Variants in IPO11 observed in about 807,000 individuals in gnomAD.
IPO11 encodes importin-11.
Under a neutral mutation model 143.2 loss-of-function variants are expected in IPO11, and 66 were observed. The observed-to-expected ratio is 0.46, with a 90% CI of 0.38 to 0.57. IPO11 has a LOEUF of 0.57. Ranked by LOEUF, IPO11 falls within the 20% of genes least tolerant of loss-of-function variation. The probability of loss-of-function intolerance (pLI) is 0.00; values close to 1 mark genes in which losing one functional copy is unlikely to be tolerated. For missense variants in IPO11, 1,026 were observed against 1,141.0 expected, an observed-to-expected ratio of 0.90 and a Z score of 1.45; for synonymous variants, 385 against 377.8, an observed-to-expected ratio of 1.02 and a Z score of -0.22.
intron 5 of IPO11, among the ~76,000 whole-genome samples, chr5:62,466,181 C>T (rs1378395778): frequency 6.6e-6 from 1 of 152,160 alleles, no homozygotes; most frequent in African/African-American, 2.4e-5. Flanking sequence ...CTCAGATTAA[C>T]TGAGGTTCAA....
At chr5:62,619,802 T>G (rs1223392279) in intron 29 of IPO11, among the ~76,000 whole-genome samples, 2 of 151,612 alleles carry the variant, frequency 1.3e-5, no homozygotes, top group Admixed American at 1.3e-4. Flanking sequence ...TGCAGTGAGC[T>G]GAGCCGAGAT....
At chr5:62,554,363 C>A (rs543565689) in intron 26 of IPO11, among the ~76,000 whole-genome samples, 3 of 152,192 alleles carry the variant, frequency 2.0e-5, no homozygotes, top group Admixed American at 2.0e-4. Flanking sequence ...GACCAGAGTC[C>A]TGGAGTGTTT....
chr5:62,427,701 T>C (rs1046488800), intron 1 of IPO11, among the ~76,000 whole-genome samples: 26 of 152,228 alleles, frequency 1.7e-4, no homozygotes, highest in Admixed American at 6.5e-5. Flanking sequence ...TGATGATCTG[T>C]GGTGGAACAG....
chr5:62,580,178 C>A, intron 27 of IPO11: 1 of 1,551,086 alleles, frequency 6.4e-7, no homozygotes, highest in East Asian at 2.4e-5. Flanking sequence ...CAGCCCTTTG[C>A]ATTTAAAGGA....
intron 9 of IPO11, among the ~76,000 whole-genome samples, chr5:62,482,846 A>G (rs1283252911): frequency 6.6e-6 from 1 of 152,180 alleles, no homozygotes; most frequent in Non-Finnish European, 1.5e-5. Context: ...AAAATTAAGT[A>G]TGAATTGAGT....
chr5:62,415,148 G>T (rs1267643067), intron 1 of IPO11, among the ~76,000 whole-genome samples: 1 of 152,154 alleles, frequency 6.6e-6, no homozygotes, highest in Non-Finnish European at 1.5e-5. Flanking sequence ...TATCATGGTG[G>T]CTATTAACCC....
chr5:62,471,931 TTAA>T (rs1323634553), intron 7 of IPO11, among the ~76,000 whole-genome samples: 1 of 152,212 alleles, frequency 6.6e-6, no homozygotes, highest in Non-Finnish European at 1.5e-5. Context: ...AAATGTTGGG[TTAA>T]GCATATGCCC....
intron 29 of IPO11, among the ~76,000 whole-genome samples, chr5:62,612,217 C>T (rs934777595): frequency 1.3e-5 from 2 of 152,020 alleles, no homozygotes; most frequent in East Asian, 1.9e-4. Flanking sequence ...ATTTTCCAAA[C>T]GATCTGTGAG....
intron 29 of IPO11, among the ~76,000 whole-genome samples, chr5:62,617,116 C>A (rs533230186): frequency 6.6e-6 from 1 of 152,188 alleles, no homozygotes; most frequent in African/African-American, 2.4e-5. Flanking sequence ...TTCTTGGAAC[C>A]ACAAAGGCAA....
At chr5:62,436,743 AT>A (rs537800902) in intron 1 of IPO11, among the ~76,000 whole-genome samples, 79 of 152,264 alleles carry the variant, frequency 5.2e-4, no homozygotes, top group African/African-American at 1.9e-3. Flanking sequence ...TCTTAAAATG[AT>A]TTGGAGATGC....
intron 20 of IPO11, among the ~76,000 whole-genome samples, chr5:62,520,329 C>T (rs1285420127): frequency 6.6e-6 from 1 of 152,088 alleles, no homozygotes; most frequent in African/African-American, 2.4e-5. Flanking sequence ...TACACATTTC[C>T]TCAGTGATGT....
rs764678115 is a variant in IPO11, at chr5:62,579,677, T to C, written c.2583-11900T>C. 5.9e-5 allele frequency: 92 copies of C among 1,546,766 alleles called. No individual in the cohort carries two copies. The highest frequency in any genetic ancestry group is 8.0e-5 in the Non-Finnish European group (91 of 1,144,594). On this transcript the variant is annotated intron_variant, in intron 27 of 29. Transcript: ENST00000325324. The stretch of plus-strand genomic sequence containing the variant: ...ATATCTTATATAAATGAAAGTGAAT[T>C]AACAGGACTTCATTCTCTTGTAGCA...
At position 62,578,042 on chromosome 5, in the gene IPO11, G is replaced by T. The variant is rs1032917330; in HGVS notation, c.2583-13535G>T. Among the ~76,000 whole-genome samples the T allele has an allele frequency of 2.0e-5, 3 of 151,876 alleles. No individual in the cohort carries two copies. In the East Asian group the frequency reaches 5.8e-4, roughly 29 times the overall value. The stretch of plus-strand genomic sequence containing the variant: ...TGACGTTAAAAAATTCTCCATTTTT[G>T]TTCTAAAAGATTCAAACTGATACAG... On this transcript the variant is annotated intron_variant, in intron 27 of 29. Transcript: ENST00000325324.
chr5:62,417,090 C>T (rs979860920), intron 1 of IPO11, among the ~76,000 whole-genome samples: 2 of 151,272 alleles, frequency 1.3e-5, no homozygotes, highest in African/African-American at 4.9e-5. Context: ...TTAGATTCCT[C>T]TTCAGCTTTA....
chr5:62,504,956 G>A (rs1374207478), intron 18 of IPO11, 58 bp downstream of exon 18: 8 of 971,860 alleles, frequency 8.2e-6, no homozygotes, highest in African/African-American at 1.7e-5. Context: ...TTATGTCTTT[G>A]AATACTATTT....
intron 27 of IPO11, among the ~76,000 whole-genome samples, chr5:62,583,745 G>C (rs879559987): frequency 2.7e-4 from 41 of 152,106 alleles, no homozygotes; most frequent in Non-Finnish European, 5.0e-4. Flanking sequence ...AGTGTTACAG[G>C]CATAATAATT....
At position 62,483,532 on chromosome 5, in the gene IPO11, A is replaced by G. The variant is rs577733552; in HGVS notation, c.1021+239A>G. The G allele has an allele frequency of 3.8e-5, 15 of 396,790 alleles. No individual in the cohort carries two copies. The East Asian group carries it at 6.7e-4, about 18-fold the overall frequency. 24.6% of individuals were successfully genotyped at this position (396,790 alleles called of 1,614,324 possible). A position where few individuals can be genotyped will look rare whatever the true frequency, so the allele number is the denominator to read the frequency against. On this transcript the variant is annotated intron_variant, in intron 10 of 29. Coordinates refer to ENST00000325324, the MANE Select transcript of IPO11 (RefSeq NM_016338.5). ...AATTGGTTGAAGCTTAGGGACTTTAAGAATTAGGTACTATAGTCATCACTG... is the reference window on the plus strand; with the variant it reads ...AATTGGTTGAAGCTTAGGGACTTTAGGAATTAGGTACTATAGTCATCACTG...
At chr5:62,443,154 G>A (rs1313758770) in intron 3 of IPO11, 71 bp downstream of exon 3, 1 of 978,924 alleles carries the variant, frequency 1.0e-6, no homozygotes, top group Non-Finnish European at 1.6e-6. Context: ...AAGAATACTT[G>A]TTTATGTAAA....
At chr5:62,536,067 A>G (rs1742722777) in intron 22 of IPO11, among the ~76,000 whole-genome samples, 1 of 152,182 alleles carries the variant, frequency 6.6e-6, no homozygotes. Context: ...TTTCTGATAA[A>G]AACTGAAAGA....
Sources: gnomAD v4.1 joint callset for allele counts (sites outside exome capture counted in the v4.1 genomes callset) on GRCh38, gnomAD v4.1.1 for gene constraint, MANE v1.5 for transcripts, NCBI Gene and HGNC (gene_info 2026-07-23, HGNC 2026-07-21) for gene names.